Variants in FHIT observed in about 807,000 individuals in gnomAD.
FHIT encodes fragile histidine triad diadenosine triphosphatase.
Under a neutral mutation model 17.9 loss-of-function variants are expected in FHIT, and 19 were observed. That is an observed-to-expected ratio of 1.06 (90% CI 0.74 to 1.56). The LOEUF (loss-of-function observed/expected upper bound fraction) is 1.56. Among genes scored for constraint, FHIT ranks in the 40% most tolerant of loss-of-function variants. The probability of loss-of-function intolerance (pLI) is 0.00; values close to 1 mark genes in which losing one functional copy is unlikely to be tolerated. For missense variants in FHIT, 248 were observed against 189.2 expected, an observed-to-expected ratio of 1.31 and a Z score of -1.82; for synonymous variants, 81 against 69.7, an observed-to-expected ratio of 1.16 and a Z score of -0.81.
chr3:60,144,625 T>C (rs1205339163), intron 5 of FHIT, among the ~76,000 whole-genome samples: 4 of 152,184 alleles, frequency 2.6e-5, no homozygotes, highest in Admixed American at 2.6e-4. Context: ...TACATTATAA[T>C]TGTACATAAT....
chr3:60,438,205 A>G (rs1423911827), intron 5 of FHIT, among the ~76,000 whole-genome samples: 2 of 152,058 alleles, frequency 1.3e-5, no homozygotes, highest in Non-Finnish European at 2.9e-5. Context: ...GAGCATGCAC[A>G]TGTGATTTCA....
At position 60,111,907 on chromosome 3, in the gene FHIT, G is replaced by A. The variant is rs369238046; in HGVS notation, c.104-97755C>T. ...CATCCAACTCTTTGCCTGAAACACCGTTCCTTAAGGGCTTTCCAGATTAGC... is the reference window on the plus strand; with the variant it reads ...CATCCAACTCTTTGCCTGAAACACCATTCCTTAAGGGCTTTCCAGATTAGC... On this transcript the variant is annotated intron_variant, in intron 5 of 9. Coordinates refer to ENST00000492590, the MANE Select transcript of FHIT (RefSeq NM_002012.4). Among the ~76,000 whole-genome samples the A allele has an allele frequency of 1.2e-4, 18 of 152,236 alleles. No homozygotes were observed. The East Asian group carries it at 1.4e-3, about 11-fold the overall frequency.
At chr3:59,893,758 T>C (rs948254121) in intron 8 of FHIT, among the ~76,000 whole-genome samples, 1 of 152,244 alleles carries the variant, frequency 6.6e-6, no homozygotes, top group Non-Finnish European at 1.5e-5. Flanking sequence ...TTAACTCCTA[T>C]GCGTCCACAG....
At chr3:60,765,918 T>C (rs1304368725) in intron 4 of FHIT, among the ~76,000 whole-genome samples, 1 of 152,152 alleles carries the variant, frequency 6.6e-6, no homozygotes, top group African/African-American at 2.4e-5. Context: ...CCCTTGGACA[T>C]CAGATTCCAG....
At position 60,592,274 on chromosome 3, in the gene FHIT, A is replaced by C. The variant is rs544606856; in HGVS notation, c.-17-55295T>G. On this transcript the variant is annotated intron_variant, in intron 4 of 9. Transcript: ENST00000492590. ...TACTATATATACTCTCTCTCTATAT[A>C]TATATATATATAAAATCATAGATAC... is the stretch of plus-strand genomic sequence containing the variant. Among the ~76,000 whole-genome samples, 486 of 148,300 alleles carry C rather than the reference A, an allele frequency of 3.3e-3. 4 individuals are homozygous for C. Among genetic ancestry groups the C allele is most frequent in the East Asian group, 8.5e-3 (43 of 5,082 alleles).
Position 60,002,955 on chromosome 3 carries a change from C to T in FHIT, c.279+8416G>A, listed in dbSNP as rs957135153. On this transcript the variant is annotated intron_variant, in intron 7 of 9. Coordinates refer to ENST00000492590, the MANE Select transcript of FHIT (RefSeq NM_002012.4). ...CTGTGGACCTTTCAAGAAGCTACTT[C>T]ATGGGCCCCACCCTCAGAGATTGGA... 8.5e-5 allele frequency among the ~76,000 whole-genome samples: 13 copies of T among 152,282 alleles called. No homozygotes were observed. The East Asian group carries it at 1.7e-3, about 20-fold the overall frequency.
At chr3:60,925,801 G>C (rs1338972900) in intron 3 of FHIT, among the ~76,000 whole-genome samples, 1 of 152,144 alleles carries the variant, frequency 6.6e-6, no homozygotes, top group Non-Finnish European at 1.5e-5. Context: ...TCAGTGTGCT[G>C]TATTCAGACC....
intron 5 of FHIT, among the ~76,000 whole-genome samples, chr3:60,039,905 C>T (rs1170796196): frequency 1.3e-5 from 2 of 152,138 alleles, no homozygotes; most frequent in Non-Finnish European, 2.9e-5. Context: ...ATTATGAGTT[C>T]ACAAATTTAC....
intron 5 of FHIT, among the ~76,000 whole-genome samples, chr3:60,095,353 C>A (rs367557700): frequency 6.9e-4 from 105 of 152,298 alleles, no homozygotes; most frequent in African/African-American, 2.3e-3. Flanking sequence ...TTTTACCAAA[C>A]CTTCTCTATT....
At chr3:60,434,702 T>C (rs116462455) in intron 5 of FHIT, among the ~76,000 whole-genome samples, 1,920 of 152,284 alleles carry the variant, frequency 0.013, 49 homozygotes, top group African/African-American at 0.042. Flanking sequence ...ATGCCTGCTT[T>C]ATACCAAAGA....
At chr3:59,752,366 G>A (rs776921223) in intron 8 of FHIT, 45 bp from the exon 9 acceptor site, 4 of 1,502,154 alleles carry the variant, frequency 2.7e-6, no homozygotes, top group Non-Finnish European at 3.6e-6. Context: ...GGGCCCTTGG[G>A]ATCTCCTTGA....
intron 8 of FHIT, among the ~76,000 whole-genome samples, chr3:59,821,863 C>A (rs1700804920): frequency 6.6e-6 from 1 of 151,896 alleles, no homozygotes; most frequent in Non-Finnish European, 1.5e-5. Flanking sequence ...TGAGCAAGTT[C>A]TTCAGTGGTG....
intron 5 of FHIT, among the ~76,000 whole-genome samples, chr3:60,128,413 T>A (rs1234221228): frequency 1.3e-5 from 2 of 152,210 alleles, no homozygotes; most frequent in Non-Finnish European, 2.9e-5. Flanking sequence ...TGCTTTCCCT[T>A]CTACCATGAC....
intron 3 of FHIT, among the ~76,000 whole-genome samples, chr3:60,877,259 C>G (rs781822313): frequency 2.0e-5 from 3 of 152,192 alleles, no homozygotes; most frequent in Non-Finnish European, 4.4e-5. Flanking sequence ...CTCCATAAGG[C>G]TAAGCTGCCT....
chr3:60,966,860 A>G (rs1709767925), intron 3 of FHIT, among the ~76,000 whole-genome samples: 1 of 152,206 alleles, frequency 6.6e-6, no homozygotes, highest in Non-Finnish European at 1.5e-5. Flanking sequence ...TTTTACACAT[A>G]AAGTCCTAAG....
intron 3 of FHIT, among the ~76,000 whole-genome samples, chr3:60,961,238 G>A (rs1709423875): frequency 1.3e-5 from 2 of 152,294 alleles, no homozygotes; most frequent in South Asian, 4.1e-4. Flanking sequence ...CTTCTTTTGA[G>A]AAGTGTCTGT....
chr3:60,687,702 T>G (rs1463606218), intron 4 of FHIT, among the ~76,000 whole-genome samples: 2 of 152,128 alleles, frequency 1.3e-5, no homozygotes, highest in Non-Finnish European at 2.9e-5. Context: ...TATTAAAATA[T>G]TCTATCAATT....
At chr3:60,847,089 G>C (rs1361512788) in intron 3 of FHIT, among the ~76,000 whole-genome samples, 2 of 152,146 alleles carry the variant, frequency 1.3e-5, no homozygotes, top group African/African-American at 4.8e-5. Context: ...CTCCCAAAGT[G>C]CCAGGATTAA....
At chr3:60,823,885 AG>A (rs1341761580) in intron 3 of FHIT, among the ~76,000 whole-genome samples, 9 of 152,168 alleles carry the variant, frequency 5.9e-5, no homozygotes, top group African/African-American at 2.2e-4. Flanking sequence ...AAGAAATTCT[AG>A]GCAGAGGGAA....
Sources: gnomAD v4.1 joint callset for allele counts (sites outside exome capture counted in the v4.1 genomes callset) on GRCh38, gnomAD v4.1.1 for gene constraint, MANE v1.5 for transcripts, NCBI Gene and HGNC (gene_info 2026-07-23, HGNC 2026-07-21) for gene names.